Variants in GBE1 observed in about 807,000 individuals in gnomAD.
GBE1 encodes 1,4-alpha-glucan-branching enzyme.
GBE1 carries 70 observed loss-of-function variants against 88.8 expected under a neutral mutation model. That is an observed-to-expected ratio of 0.79 (90% CI 0.65 to 0.96). The LOEUF is 0.96. GBE1 is among the 40% of genes least tolerant of loss of function. The probability of loss-of-function intolerance (pLI) is 0.00; values close to 1 mark genes in which losing one functional copy is unlikely to be tolerated. For missense variants in GBE1, 872 were observed against 871.0 expected, an observed-to-expected ratio of 1.00 and a Z score of -0.01; for synonymous variants, 284 against 300.1, an observed-to-expected ratio of 0.95 and a Z score of 0.56.
At chr3:81,514,429 C>T (rs745404392) in intron 14 of GBE1, among the ~76,000 whole-genome samples, 1 of 151,502 alleles carries the variant, frequency 6.6e-6, no homozygotes, top group African/African-American at 2.4e-5. Context: ...CACATAACTA[C>T]AAAAAATAAC....
chr3:81,726,570 C>A (rs1575767742), intron 1 of GBE1, among the ~76,000 whole-genome samples: 1 of 146,882 alleles, frequency 6.8e-6, no homozygotes, highest in South Asian at 2.1e-4. Flanking sequence ...AATATGGCAT[C>A]TTTGATATTG....
chr3:81,689,286 C>T (rs901886999), intron 2 of GBE1, among the ~76,000 whole-genome samples: 2 of 152,164 alleles, frequency 1.3e-5, no homozygotes, highest in African/African-American at 4.8e-5. Flanking sequence ...AAGCTTGAGG[C>T]CATCAATTTT....
chr3:81,629,476 C>A (rs926148752), intron 7 of GBE1, among the ~76,000 whole-genome samples: 1 of 151,922 alleles, frequency 6.6e-6, no homozygotes, highest in Non-Finnish European at 1.5e-5. Flanking sequence ...AAAACATACA[C>A]TTTTTTAGTT....
At chr3:81,591,387 A>G (rs1703875372) in intron 8 of GBE1, among the ~76,000 whole-genome samples, 1 of 152,202 alleles carries the variant, frequency 6.6e-6, no homozygotes. Flanking sequence ...CACACGCATG[A>G]GAAAAACAAA....
rs991155881 is a variant in GBE1, at chr3:81,741,867, A to C, written c.143+19508T>G. Among the ~76,000 whole-genome samples the C allele has an allele frequency of 2.0e-5, 3 of 147,654 alleles. No homozygotes were observed. In the East Asian group the frequency reaches 5.9e-4, roughly 29 times the overall value. ...ATATAATATATAGTTTTTTATATAT[A>C]ATATATAATATATATTATAACTAGA... On this transcript the variant is annotated intron_variant, in intron 1 of 15. Transcript: ENST00000429644.
intron 7 of GBE1, among the ~76,000 whole-genome samples, chr3:81,634,314 A>T (rs1704560937): frequency 6.6e-6 from 1 of 152,374 alleles, no homozygotes; most frequent in African/African-American, 2.4e-5. Context: ...AGTTCTTTAT[A>T]CATGAAACTG....
chr3:81,675,913 G>A (rs993371934), intron 2 of GBE1, among the ~76,000 whole-genome samples: 1 of 151,848 alleles, frequency 6.6e-6, no homozygotes, highest in African/African-American at 2.4e-5. Flanking sequence ...TAAAACTTAG[G>A]TATACAAATA....
chr3:81,503,775 C>T (rs1035896803), intron 14 of GBE1, among the ~76,000 whole-genome samples: 30 of 152,224 alleles, frequency 2.0e-4, no homozygotes, highest in African/African-American at 3.9e-4. Context: ...GCCAAGAATA[C>T]GGCAGTGTTT....
intron 12 of GBE1, among the ~76,000 whole-genome samples, chr3:81,541,743 T>G (rs1305240745): frequency 6.6e-6 from 1 of 152,032 alleles, no homozygotes; most frequent in African/African-American, 2.4e-5. Flanking sequence ...AAATAGTTTT[T>G]GTTGTTTAAG....
chr3:81,536,438 A>G (rs1234233700), intron 13 of GBE1, among the ~76,000 whole-genome samples: 2 of 151,966 alleles, frequency 1.3e-5, no homozygotes, highest in African/African-American at 4.8e-5. Flanking sequence ...AAAATACAAA[A>G]CAGCATGCAG....
chr3:81,600,531 TA>T (rs1704018824), intron 7 of GBE1, among the ~76,000 whole-genome samples: 1 of 152,012 alleles, frequency 6.6e-6, no homozygotes. Flanking sequence ...CTAATCAGCA[TA>T]AAAAATAAAT....
chr3:81,581,421 T>C (rs990062802), intron 10 of GBE1, 146 bp from the exon 11 acceptor site: 1 of 567,812 alleles, frequency 1.8e-6, no homozygotes, highest in African/African-American at 2.0e-5. Context: ...TATCACTGTT[T>C]AAACTTTTAC....
intron 3 of GBE1, among the ~76,000 whole-genome samples, chr3:81,665,283 C>G (rs975632723): frequency 2.0e-5 from 3 of 152,012 alleles, no homozygotes; most frequent in African/African-American, 7.3e-5. Context: ...CTTGTAATCC[C>G]AGCACTTTGG....
intron 1 of GBE1, among the ~76,000 whole-genome samples, chr3:81,737,873 G>C (rs1458325159): frequency 6.6e-6 from 1 of 152,060 alleles, no homozygotes; most frequent in Non-Finnish European, 1.5e-5. Flanking sequence ...TCTAGCATTA[G>C]GTATATCTCC....
At chr3:81,564,799 C>A (rs1703469744) in intron 12 of GBE1, among the ~76,000 whole-genome samples, 1 of 152,068 alleles carries the variant, frequency 6.6e-6, no homozygotes, top group African/African-American at 2.4e-5. Context: ...CCGGCACAGT[C>A]CAGGTCAATC....
intron 1 of GBE1, among the ~76,000 whole-genome samples, chr3:81,750,553 A>ATATATATATATG: frequency 1.3e-5 from 1 of 74,236 alleles, no homozygotes. Context: ...ATATATATGT[A>ATATATATATATG]TATATATATG....
chr3:81,657,395 T>C (rs536622660), intron 3 of GBE1, among the ~76,000 whole-genome samples: 1 of 151,810 alleles, frequency 6.6e-6, no homozygotes, highest in Admixed American at 6.6e-5. Flanking sequence ...AAAAAAAATA[T>C]CTATTGAAAA....
chr3:81,697,157 T>C (rs1204622008), intron 2 of GBE1, among the ~76,000 whole-genome samples: 1 of 152,152 alleles, frequency 6.6e-6, no homozygotes, highest in African/African-American at 2.4e-5. Flanking sequence ...GGTCCCCTCT[T>C]TGGGTTCAAT....
intron 12 of GBE1, among the ~76,000 whole-genome samples, chr3:81,559,867 G>A (rs553797400): frequency 3.9e-5 from 6 of 152,000 alleles, no homozygotes; most frequent in South Asian, 4.1e-4. Context: ...CAAAACAGTA[G>A]CTTTCCAATG....
Sources: allele counts gnomAD v4.1 joint callset (sites outside exome capture counted in the v4.1 genomes callset), GRCh38; gene constraint gnomAD v4.1.1; transcripts MANE v1.5; gene names NCBI Gene and HGNC (gene_info 2026-07-23, HGNC 2026-07-21).